DPY19L4: variants seen among roughly 807,000 people sequenced by gnomAD.
The protein encoded by DPY19L4 is probable C-mannosyltransferase DPY19L4.
In DPY19L4, 97 loss-of-function variants were observed where a neutral mutation model predicts 102.8. That is an observed-to-expected ratio of 0.94 (90% CI 0.80 to 1.12). The LOEUF (loss-of-function observed/expected upper bound fraction) is 1.12. Among genes scored for constraint, DPY19L4 ranks in the 50% most tolerant of loss-of-function variants. The pLI is 0.00. For missense variants in DPY19L4, 815 were observed against 850.4 expected, an observed-to-expected ratio of 0.96 and a Z score of 0.52; for synonymous variants, 252 against 283.1, an observed-to-expected ratio of 0.89 and a Z score of 1.10.
intron 13 of DPY19L4, among the ~76,000 whole-genome samples, chr8:94,772,726 G>A (rs545299252): frequency 1.3e-5 from 2 of 152,290 alleles, no homozygotes; most frequent in South Asian, 4.1e-4. Flanking sequence ...CATGCTCCAA[G>A]GCTCCCACCA....
Position 94,790,087 on chromosome 8 carries a change from T to C in DPY19L4, c.*177T>C, listed in dbSNP as rs1813830694. ...GGAAATAGAAGATCAAGCATTACTGTCCTTTGATTAAATGTGATATCTACC... is the reference window on the plus strand; with the variant it reads ...GGAAATAGAAGATCAAGCATTACTGCCCTTTGATTAAATGTGATATCTACC... On this transcript the variant is annotated 3_prime_UTR_variant, in exon 19 of 19. Coordinates refer to ENST00000414645, the MANE Select transcript of DPY19L4 (RefSeq NM_181787.3). The C allele has an allele frequency of 1.8e-6, 1 of 558,658 alleles. No homozygotes were observed. The highest frequency in any genetic ancestry group is 3.0e-6 in the Non-Finnish European group (1 of 331,782). The allele number at this position is 558,658 out of a possible 1,614,324, so 34.6% of individuals were successfully genotyped here.
At position 94,777,689 on chromosome 8, in the gene DPY19L4, A is replaced by C; in HGVS notation, c.1478A>C (p.Tyr493Ser). Residue 493 changes from tyrosine (Y) to serine (S), a missense_variant, in exon 14 of 19, where the codon TAT (tyrosine) becomes TCT (serine). Tyr to Ser is a moderately radical substitution (Grantham distance 144). Coordinates refer to ENST00000414645, the MANE Select transcript of DPY19L4 (RefSeq NM_181787.3). Reference sequence around the variant, plus strand: ...AGCTTGAAGTACATCTGGATTCCTTATGTGTGCATGTTAGCAGCATTTGGT... The same window carrying C: ...AGCTTGAAGTACATCTGGATTCCTTCTGTGTGCATGTTAGCAGCATTTGGT... ...IEGLKYIWIP[Y>S]VCMLAAFGVC... 1 of 1,613,750 alleles carries C rather than the reference A, an allele frequency of 6.2e-7. No homozygotes were observed. Among genetic ancestry groups the C allele is most frequent in the Non-Finnish European group, 8.5e-7 (1 of 1,179,914 alleles).
intron 6 of DPY19L4, among the ~76,000 whole-genome samples, chr8:94,746,175 C>T (rs1811666974): frequency 6.7e-6 from 1 of 148,840 alleles, no homozygotes; most frequent in Non-Finnish European, 1.5e-5. Flanking sequence ...GATTCTCCTG[C>T]TTCAGCCTCC....
chr8:94,744,997 C>CT (rs1161691776), intron 6 of DPY19L4: 7 of 165,586 alleles, frequency 4.2e-5, no homozygotes, highest in Non-Finnish European at 8.0e-5. Flanking sequence ...TATGCTGTCT[C>CT]TTTATTCATC....
rs1465833752 is a variant in DPY19L4 at position 94,719,940 on chromosome 8, A to G, written c.-59A>G. 78 of 1,455,606 alleles carry G rather than the reference A, an allele frequency of 5.4e-5. No homozygotes were observed. Among genetic ancestry groups the G allele is most frequent in the East Asian group, 2.4e-4 (8 of 33,360 alleles). 90.2% of individuals were successfully genotyped at this position (1,455,606 alleles called of 1,614,324 possible). The stretch of plus-strand genomic sequence containing the variant: ...GAGGCCGAGGGGTTCGGCGACGCGG[A>G]GGGAGGGAGAGTCTGGGCCGCGCGG... On this transcript the variant is annotated 5_prime_UTR_variant, in exon 1 of 19. Transcript: ENST00000414645.
rs138410439 is a variant in DPY19L4 at position 94,739,767 on chromosome 8, T to A, written c.588T>A (p.Thr196=). ...GAACATGGCTAGCAGGAATGCTTAC[T>A]GTTGCGTGGTTCGTTATTAACAGGT... The part of the protein sequence containing the change: ...MSGTWLAGML[T]VAWFVINRVD... The change falls in exon 6 of 19, where the codon ACT becomes ACA. Residue 196 remains threonine (T), a synonymous_variant. Transcript: ENST00000414645. The A allele has an allele frequency of 6.2e-7, 1 of 1,612,430 alleles. No homozygotes were observed. Among genetic ancestry groups the A allele is most frequent in the Non-Finnish European group, 8.5e-7 (1 of 1,180,042 alleles).
chr8:94,758,469 A>G (rs1045100351), intron 7 of DPY19L4, among the ~76,000 whole-genome samples: 1 of 152,184 alleles, frequency 6.6e-6, no homozygotes, highest in South Asian at 2.1e-4. Context: ...ATCAAGACAT[A>G]GAACTCTTCC....
In DPY19L4 at chr8:94,780,551, A is replaced by C. The variant is rs1027514481; in HGVS notation, c.1632+136A>C. 19 of 573,576 alleles carry C rather than the reference A, an allele frequency of 3.3e-5. No individual in the cohort carries two copies. The Admixed American group carries it at 5.8e-4, about 18-fold the overall frequency. The allele number at this position is 573,576 out of a possible 1,614,324, so 35.5% of individuals were successfully genotyped here. On this transcript the variant is annotated intron_variant, in intron 15 of 18. Coordinates refer to ENST00000414645, the MANE Select transcript of DPY19L4 (RefSeq NM_181787.3). ...AATGTAACATTCTTAGTAATGCTTAATTTTTTTTGTTATTAGGAACATTGC... is the reference window on the plus strand; with the variant it reads ...AATGTAACATTCTTAGTAATGCTTACTTTTTTTTGTTATTAGGAACATTGC...
Position 94,789,952 on chromosome 8 carries a change from A to G in DPY19L4, c.*42A>G. ...CATTTCAAAGACTACCTGAAGTAAA[A>G]TGCAGTTTTCTTCTACCTACTCGGT... On this transcript the variant is annotated 3_prime_UTR_variant, in exon 19 of 19. Coordinates refer to ENST00000414645, the MANE Select transcript of DPY19L4 (RefSeq NM_181787.3). 2 of 1,564,836 alleles carry G rather than the reference A, an allele frequency of 1.3e-6. No individual in the cohort carries two copies. Among genetic ancestry groups the G allele is most frequent in the East Asian group, 2.3e-5 (1 of 43,056 alleles).
rs989967490 is a variant in DPY19L4, at chr8:94,720,956, T to A, written c.16+942T>A. On this transcript the variant is annotated intron_variant, in intron 1 of 18. Coordinates refer to ENST00000414645, the MANE Select transcript of DPY19L4 (RefSeq NM_181787.3). ...TTAGACTCAAGCCCCCCTGCCTTTT[T>A]TTTTTTTGAAACGGAGTTTCGTTCT... is the stretch of plus-strand genomic sequence containing the variant. Among the ~76,000 whole-genome samples, 3 of 152,148 alleles carry A rather than the reference T, an allele frequency of 2.0e-5. No homozygotes were observed. The East Asian group carries it at 5.8e-4, about 29-fold the overall frequency.
Position 94,747,440 on chromosome 8 carries a change from C to T in DPY19L4, c.611+7650C>T, listed in dbSNP as rs185600954. On this transcript the variant is annotated intron_variant, in intron 6 of 18. Coordinates refer to ENST00000414645, the MANE Select transcript of DPY19L4 (RefSeq NM_181787.3). ...TTAGCCCAAACCAATTAAAGTGGTACCGCATTGCCAACTAGATGTTAACAC... is the reference window on the plus strand; with the variant it reads ...TTAGCCCAAACCAATTAAAGTGGTATCGCATTGCCAACTAGATGTTAACAC... Among the ~76,000 whole-genome samples the T allele has an allele frequency of 3.3e-3, 497 of 152,064 alleles. 2 individuals carry two copies. The highest frequency in any genetic ancestry group is 5.5e-3 in the Non-Finnish European group (374 of 68,002).
At chr8:94,726,781 G>A (rs893242462) in intron 2 of DPY19L4, among the ~76,000 whole-genome samples, 2 of 152,118 alleles carry the variant, frequency 1.3e-5, no homozygotes, top group African/African-American at 2.4e-5. Flanking sequence ...TCACTTGTAC[G>A]CACCTTTTAT....
At chr8:94,776,907 G>A (rs7822352) in intron 13 of DPY19L4, among the ~76,000 whole-genome samples, 6,670 of 149,052 alleles carry the variant, frequency 0.045, 390 homozygotes, top group African/African-American at 0.13. Context: ...GGGGGTTGCA[G>A]TGAGCCAAGA....
At chr8:94,751,843 A>G (rs1318252305) in intron 6 of DPY19L4, among the ~76,000 whole-genome samples, 1 of 152,166 alleles carries the variant, frequency 6.6e-6, no homozygotes, top group Non-Finnish European at 1.5e-5. Context: ...ATTATATATT[A>G]ATGGAGTCAT....
intron 7 of DPY19L4, among the ~76,000 whole-genome samples, chr8:94,756,567 C>A (rs577449168): frequency 6.6e-6 from 1 of 152,244 alleles, no homozygotes; most frequent in East Asian, 1.9e-4. Context: ...GGCAGCACTG[C>A]GTATTCTGTT....
Position 94,788,588 on chromosome 8 carries a change from C to T in DPY19L4, c.2007+536C>T, listed in dbSNP as rs372920772. Among the ~76,000 whole-genome samples, 17 of 152,236 alleles carry T rather than the reference C, an allele frequency of 1.1e-4. No homozygotes were observed. The East Asian group carries it at 2.7e-3, about 24-fold the overall frequency. On this transcript the variant is annotated intron_variant, in intron 18 of 18. Coordinates refer to ENST00000414645, the MANE Select transcript of DPY19L4 (RefSeq NM_181787.3). ...TGTATCTTAATTTCTATATTGATTT[C>T]GGCTGTTTTACCAAGCTGTGTTTTC...
chr8:94,743,296 C>A (rs1811527213), intron 6 of DPY19L4, among the ~76,000 whole-genome samples: 1 of 151,980 alleles, frequency 6.6e-6, no homozygotes, highest in South Asian at 2.1e-4. Flanking sequence ...TCCCAAAGTG[C>A]TGGGATTACA....
chr8:94,740,011 A>G (rs1224177183), intron 6 of DPY19L4, among the ~76,000 whole-genome samples: 2 of 152,224 alleles, frequency 1.3e-5, no homozygotes, highest in African/African-American at 4.8e-5. Flanking sequence ...CCTTAAAACC[A>G]AAGTGCTTTC....
At chr8:94,765,139 T>C (rs758231116) in intron 8 of DPY19L4, 44 bp from the exon 9 acceptor site, 2 of 1,289,556 alleles carry the variant, frequency 1.6e-6, no homozygotes, top group Non-Finnish European at 2.2e-6. Flanking sequence ...ATATGTATGA[T>C]AAAATATAAC....
Sources: allele counts gnomAD v4.1 joint callset (sites outside exome capture counted in the v4.1 genomes callset), GRCh38; gene constraint gnomAD v4.1.1; transcripts MANE v1.5; gene names NCBI Gene and HGNC (gene_info 2026-07-23, HGNC 2026-07-21).